The following TANGO6 variants were observed in gnomAD, a reference collection of about 807,000 sequenced individuals.
TANGO6 encodes transport and Golgi organization protein 6 homolog.
Under a neutral mutation model 114.2 loss-of-function variants are expected in TANGO6, and 90 were observed. That is an observed-to-expected ratio of 0.79 (90% confidence interval 0.66 to 0.94). The LOEUF (loss-of-function observed/expected upper bound fraction) is 0.94. Among genes scored for constraint, TANGO6 ranks in the 40% least tolerant of loss-of-function variants. The pLI, the probability that TANGO6 is intolerant of heterozygous loss-of-function variation, is 0.00. For missense variants in TANGO6, 1,274 were observed against 1,315.3 expected (o/e 0.97, Z 0.49); for synonymous variants, 477 against 509.8 (o/e 0.94, Z 0.87).
rs201202570 is a variant in TANGO6 at position 68,850,017 on chromosome 16, A to G, written c.94+6306A>G. On this transcript the variant is annotated intron_variant, in intron 1 of 17. Transcript: ENST00000261778. ...GAGACGGAATCTTGCTCTGTTGTCC[A>G]GGCTGGAGTGCAGTGGCTCAATCTC... Among the ~76,000 whole-genome samples the G allele has an allele frequency of 5.3e-4, 69 of 129,512 alleles. No individual in the cohort carries two copies. The East Asian group carries it at 6.6e-3, about 12-fold the overall frequency. 85.0% of individuals were successfully genotyped at this position (129,512 alleles called of 152,430 possible). A position where few individuals can be genotyped will look rare whatever the true frequency, so the allele number is the denominator to read the frequency against.
At chr16:68,952,396 C>T (rs889102142) in intron 14 of TANGO6, among the ~76,000 whole-genome samples, 15 of 152,106 alleles carry the variant, frequency 9.9e-5, no homozygotes, top group Non-Finnish European at 2.2e-4. Context: ...TTTTGTGTTT[C>T]CCTCCCCAAC....
chr16:68,926,076 AT>A (rs72198572), intron 12 of TANGO6, among the ~76,000 whole-genome samples: 25,868 of 151,310 alleles, frequency 0.17, 2,485 homozygotes, highest in African/African-American at 0.26. Context: ...TAGAAGAGAA[AT>A]TAAAAAAGAG....
At chr16:68,904,211 A>G (rs1962820080) in intron 9 of TANGO6, among the ~76,000 whole-genome samples, 1 of 152,074 alleles carries the variant, frequency 6.6e-6, no homozygotes, top group South Asian at 2.1e-4. Flanking sequence ...GGTTCAAGCA[A>G]TTCTCTTGTC....
intron 15 of TANGO6, among the ~76,000 whole-genome samples, chr16:69,008,966 A>G (rs1964120532): frequency 6.6e-6 from 1 of 151,890 alleles, no homozygotes; most frequent in African/African-American, 2.4e-5. Context: ...ACATGTGTCA[A>G]GAAGGGGTTT....
intron 16 of TANGO6, among the ~76,000 whole-genome samples, chr16:69,029,390 T>C (rs1959557349): frequency 6.6e-6 from 1 of 152,236 alleles, no homozygotes; most frequent in Non-Finnish European, 1.5e-5. Context: ...AAGACGTATA[T>C]GTTTGATACA....
At position 69,074,798 on chromosome 16, in the gene TANGO6, CTGTGTGTGTGTG is replaced by C. The variant is rs60702668; in HGVS notation, c.3109-8657_3109-8646del. Among the ~76,000 whole-genome samples the C allele has an allele frequency of 2.8e-3, 378 of 135,250 alleles. 4 individuals carry two copies. Among genetic ancestry groups the C allele is most frequent in the Middle Eastern group, 3.7e-3 (1 of 268 alleles). The allele number at this position is 135,250 out of a possible 152,430, so 88.7% of individuals were successfully genotyped here. ...AATGGAGTCACTCTGGTTCGAATGC[CTGTGTGTGTGTG>C]TGTGTGTGTGTGTGTGTGTGTGTGT... On this transcript the variant is annotated intron_variant, in intron 17 of 17. Transcript: ENST00000261778.
At chr16:69,033,033 A>G (rs1959624689) in intron 16 of TANGO6, among the ~76,000 whole-genome samples, 1 of 151,812 alleles carries the variant, frequency 6.6e-6, no homozygotes, top group Non-Finnish European at 1.5e-5. Context: ...TAAAAATACA[A>G]AAATTAGCCC....
At chr16:68,984,647 G>A (rs539784791) in intron 15 of TANGO6, among the ~76,000 whole-genome samples, 1 of 151,904 alleles carries the variant, frequency 6.6e-6, no homozygotes, top group East Asian at 1.9e-4. Context: ...TCAGCCTCCC[G>A]AGTAGCTAGG....
chr16:68,932,016 C>T (rs539124161), intron 14 of TANGO6, among the ~76,000 whole-genome samples: 6 of 151,222 alleles, frequency 4.0e-5, no homozygotes, highest in African/African-American at 1.2e-4. Context: ...AGCCGAGTTA[C>T]GAACTTTAAA....
At chr16:69,036,626 G>T (rs1172777637) in intron 16 of TANGO6, among the ~76,000 whole-genome samples, 1 of 152,108 alleles carries the variant, frequency 6.6e-6, no homozygotes, top group East Asian at 1.9e-4. Flanking sequence ...GTCATAACTA[G>T]CTCCTCTCTC....
rs201570566 is a variant in TANGO6 at position 68,858,135 on chromosome 16, C to T, written c.95-1749C>T. On this transcript the variant is annotated intron_variant, in intron 1 of 17. Coordinates refer to ENST00000261778, the MANE Select transcript of TANGO6 (RefSeq NM_024562.2). ...CTGGAGTGCAGTGGCACGATCTTTG[C>T]TCACTGCAACCTCTGCCTCCTGGGT... is the stretch of plus-strand genomic sequence containing the variant. 2.6e-5 allele frequency among the ~76,000 whole-genome samples: 4 copies of T among 151,124 alleles called. No homozygotes were observed. The East Asian group carries it at 5.8e-4, about 22-fold the overall frequency.
At chr16:69,072,074 G>C (rs1327778531) in intron 17 of TANGO6, among the ~76,000 whole-genome samples, 2 of 117,342 alleles carry the variant, frequency 1.7e-5, no homozygotes, top group African/African-American at 7.4e-5. Flanking sequence ...TGTGTAGAGA[G>C]AGGGAGACCG....
At chr16:68,921,682 A>T (rs537208684) in intron 12 of TANGO6, among the ~76,000 whole-genome samples, 1 of 140,776 alleles carries the variant, frequency 7.1e-6, no homozygotes, top group Non-Finnish European at 1.5e-5. Flanking sequence ...AATGTAAGAT[A>T]GATCACAAAA....
rs200944867 is a variant in TANGO6 at position 69,040,301 on chromosome 16, C to G, written c.2995-7C>G. 2 of 1,594,972 alleles carry G rather than the reference C, an allele frequency of 1.3e-6. No individual in the cohort carries two copies. Among genetic ancestry groups the G allele is most frequent in the African/African-American group, 1.3e-5 (1 of 74,750 alleles). On this transcript the variant is annotated splice_polypyrimidine_tract_variant and splice_region_variant and intron_variant, in intron 16 of 17. Transcript: ENST00000261778. Reference sequence around the variant, plus strand: ...CTTATCAACTTCATCTTCCTTCATCCTCCTAGGTAACAGCTTGCCTGATTG... The same window carrying G: ...CTTATCAACTTCATCTTCCTTCATCGTCCTAGGTAACAGCTTGCCTGATTG...
rs190067237 is a variant in TANGO6, at chr16:69,058,712, C to T, written c.3108+18291C>T. Among the ~76,000 whole-genome samples, 5 of 152,310 alleles carry T rather than the reference C, an allele frequency of 3.3e-5. No individual in the cohort carries two copies. The East Asian group carries it at 9.6e-4, about 29-fold the overall frequency. On this transcript the variant is annotated intron_variant, in intron 17 of 17. Transcript: ENST00000261778. Reference sequence around the variant, plus strand: ...ACGGAGTCTCGCTCTGTCACCCAGGCTGGAGTGCAGTGGCGCAATCTCGGC... The same window carrying T: ...ACGGAGTCTCGCTCTGTCACCCAGGTTGGAGTGCAGTGGCGCAATCTCGGC...
chr16:68,875,765 G>A (rs531752656), intron 5 of TANGO6, among the ~76,000 whole-genome samples: 22 of 142,022 alleles, frequency 1.5e-4, no homozygotes, highest in South Asian at 8.8e-4. Flanking sequence ...GTGAAACTCC[G>A]TCTCAAAAAA....
At chr16:68,937,240 G>A (rs1963308961) in intron 14 of TANGO6, 1 of 152,116 alleles carries the variant, frequency 6.6e-6, no homozygotes, top group South Asian at 2.1e-4. Flanking sequence ...TTTATGTCCT[G>A]GAAAAGGGAA....
At chr16:69,081,418 C>T (rs1003947616) in intron 17 of TANGO6, among the ~76,000 whole-genome samples, 2 of 151,736 alleles carry the variant, frequency 1.3e-5, no homozygotes, top group Non-Finnish European at 2.9e-5. Context: ...CTCTGTTGCC[C>T]AGGCTGGAGT....
chr16:69,067,518 C>CAA (rs1199698790), intron 17 of TANGO6, among the ~76,000 whole-genome samples: 5 of 43,682 alleles, frequency 1.1e-4, no homozygotes, highest in Admixed American at 3.2e-4. Context: ...AACTCCATCT[C>CAA]AAAAAAAAAA....
Sources: gnomAD v4.1 joint callset for allele counts (sites outside exome capture counted in the v4.1 genomes callset) on GRCh38, gnomAD v4.1.1 for gene constraint, MANE v1.5 for transcripts, NCBI Gene and HGNC (gene_info 2026-07-23, HGNC 2026-07-21) for gene names.